The following IQGAP2 variants were observed in gnomAD, a reference collection of about 807,000 sequenced individuals.
IQGAP2 encodes ras GTPase-activating-like protein IQGAP2.
A neutral mutation model predicts 201.3 loss-of-function variants in IQGAP2; 173 were observed. The ratio of observed to expected loss-of-function variants is 0.86; its 90% CI spans 0.76 to 0.98. The LOEUF (loss-of-function observed/expected upper bound fraction) is 0.98. IQGAP2 is among the 50% of genes least tolerant of loss of function. The pLI is 0.00. For missense variants in IQGAP2, 1,687 were observed against 1,864.8 expected, an observed-to-expected ratio of 0.90 and a Z score of 1.76; for synonymous variants, 675 against 673.9, an observed-to-expected ratio of 1.00 and a Z score of -0.03.
intron 1 of IQGAP2, among the ~76,000 whole-genome samples, chr5:76,415,767 C>T (rs1015715108): frequency 4.6e-5 from 7 of 152,098 alleles, no homozygotes; most frequent in Admixed American, 6.5e-5. Context: ...TGTAGTGAAA[C>T]CCTGTCTCTA....
chr5:76,501,643 C>CATTTTTTTT (rs1757280057), intron 2 of IQGAP2, among the ~76,000 whole-genome samples: 1 of 101,100 alleles, frequency 9.9e-6, no homozygotes, highest in Non-Finnish European at 1.8e-5. Flanking sequence ...TTTTCCTTTT[C>CATTTTTTTT]TTTTTTTTTT....
Position 76,585,120 on chromosome 5 carries a change from T to C in IQGAP2, c.459-3786T>C, listed in dbSNP as rs190094377. Among the ~76,000 whole-genome samples the C allele has an allele frequency of 3.3e-5, 5 of 152,324 alleles. No homozygotes were observed. In the East Asian group the frequency reaches 7.7e-4, roughly 24 times the overall value. On this transcript the variant is annotated intron_variant, in intron 5 of 35. Coordinates refer to ENST00000274364, the MANE Select transcript of IQGAP2 (RefSeq NM_006633.5). ...AGCATGAATCTAAAATTCTAAATTA[T>C]CTCAATATTCCACAGGTGGGAAAGT...
intron 21 of IQGAP2, among the ~76,000 whole-genome samples, chr5:76,660,967 G>A (rs1342714804): frequency 2.6e-5 from 4 of 152,138 alleles, no homozygotes; most frequent in South Asian, 2.1e-4. Flanking sequence ...AAAGGTTTGC[G>A]ATATAGTAGA....
intron 21 of IQGAP2, among the ~76,000 whole-genome samples, chr5:76,663,476 T>TTA (rs2150460931): frequency 8.6e-6 from 1 of 116,056 alleles, no homozygotes; most frequent in East Asian, 2.1e-4. Flanking sequence ...CTTTCAAATA[T>TTA]GAGTCGCATG....
intron 30 of IQGAP2, among the ~76,000 whole-genome samples, chr5:76,688,261 T>C (rs1345109156): frequency 6.6e-6 from 1 of 152,244 alleles, no homozygotes; most frequent in Non-Finnish European, 1.5e-5. Flanking sequence ...AAAACTATTC[T>C]GCTTTTTTGT....
At chr5:76,548,678 A>T (rs529495877) in intron 2 of IQGAP2, among the ~76,000 whole-genome samples, 52 of 152,302 alleles carry the variant, frequency 3.4e-4, no homozygotes, top group Admixed American at 5.2e-4. Context: ...AGTGATATCA[A>T]TCTCATCAGA....
chr5:76,433,143 C>T lies in IQGAP2; in HGVS notation c.47-28427C>T, dbSNP rs568428392. Among the ~76,000 whole-genome samples, 7 of 152,218 alleles carry T rather than the reference C, an allele frequency of 4.6e-5. No individual in the cohort carries two copies. In the East Asian group the frequency reaches 1.4e-3, roughly 29 times the overall value. On this transcript the variant is annotated intron_variant, in intron 1 of 35. Coordinates refer to ENST00000274364, the MANE Select transcript of IQGAP2 (RefSeq NM_006633.5). ...AATACTTGCAGATACTTTTCTCTCA[C>T]GTTTACTCTGATGGTTATTTCTTTT...
chr5:76,571,846 A>G (rs1361191752), intron 4 of IQGAP2, among the ~76,000 whole-genome samples: 1 of 152,226 alleles, frequency 6.6e-6, no homozygotes, highest in African/African-American at 2.4e-5. Context: ...AGTGTAAACT[A>G]GACTACAGAC....
chr5:76,463,221 T>C (rs1754586199), intron 2 of IQGAP2, among the ~76,000 whole-genome samples: 1 of 152,114 alleles, frequency 6.6e-6, no homozygotes, highest in Admixed American at 6.6e-5. Flanking sequence ...AAAAACTTAC[T>C]TTTCTATTGA....
At chr5:76,689,816 C>G (rs977321463) in intron 30 of IQGAP2, among the ~76,000 whole-genome samples, 2 of 152,100 alleles carry the variant, frequency 1.3e-5, no homozygotes, top group African/African-American at 4.8e-5. Context: ...TCCACAAACA[C>G]TGATTGCTTT....
intron 3 of IQGAP2, among the ~76,000 whole-genome samples, chr5:76,567,560 G>A (rs1249584926): frequency 2.6e-5 from 4 of 152,172 alleles, no homozygotes; most frequent in Admixed American, 2.6e-4. Context: ...TGGAGGCAGT[G>A]CTTGTTCTAA....
At chr5:76,531,016 A>G (rs1759258269) in intron 2 of IQGAP2, among the ~76,000 whole-genome samples, 1 of 152,220 alleles carries the variant, frequency 6.6e-6, no homozygotes, top group Non-Finnish European at 1.5e-5. Flanking sequence ...TGGGCTCTGT[A>G]TTAGTCCATT....
chr5:76,683,840 C>A lies in IQGAP2; in HGVS notation c.3828C>A (p.Thr1276=). 1.2e-6 allele frequency: 2 copies of A among 1,613,388 alleles called. No individual in the cohort carries two copies. The highest frequency in any genetic ancestry group is 1.7e-6 in the Non-Finnish European group (2 of 1,179,614). Residue 1276 remains threonine (T), a synonymous_variant, in exon 30 of 36, where the codon ACC becomes ACA. Transcript: ENST00000274364. ...ATACACTAAGTCAGCTTTCAAAGAC[C>A]GAGATTTCTCTTGTCTTGACAAGCA... ...KANTLSQLSK[T]EISLVLTSKY...
intron 9 of IQGAP2, among the ~76,000 whole-genome samples, chr5:76,594,483 A>T (rs551770855): frequency 1.3e-5 from 2 of 152,244 alleles, no homozygotes; most frequent in East Asian, 3.9e-4. Context: ...GATGTTTTGC[A>T]CTAATGGTAA....
intron 7 of IQGAP2, 104 bp from the exon 8 acceptor site, chr5:76,590,304 A>G: frequency 1.1e-6 from 1 of 890,514 alleles, no homozygotes. Context: ...ACTGGAAGCC[A>G]AGAAAGAAAG....
chr5:76,426,933 T>TGTGTGTGTGTGTGTGTGTGA (rs772878589), intron 1 of IQGAP2, among the ~76,000 whole-genome samples: 2 of 151,842 alleles, frequency 1.3e-5, no homozygotes, highest in Admixed American at 1.3e-4. Context: ...TGTGTGTGTG[T>TGTGTGTGTGTGTGTGTGTGA]GTGAGTGTGT....
chr5:76,661,883 A>G (rs558609295), intron 21 of IQGAP2, among the ~76,000 whole-genome samples: 71 of 152,354 alleles, frequency 4.7e-4, no homozygotes, highest in Admixed American at 4.0e-3. Context: ...ACCTGCATGC[A>G]GATATCCCTT....
At chr5:76,686,344 TTGTTGTTG>T (rs1561592682) in intron 30 of IQGAP2, among the ~76,000 whole-genome samples, 14 of 98,234 alleles carry the variant, frequency 1.4e-4, no homozygotes, top group Admixed American at 1.1e-3. Context: ...GTTTTTTTTG[TTGTTGTTG>T]TTGTTGTTGT....
chr5:76,507,245 C>A (rs1413010684), intron 2 of IQGAP2, among the ~76,000 whole-genome samples: 2 of 152,072 alleles, frequency 1.3e-5, no homozygotes, highest in Non-Finnish European at 2.9e-5. Flanking sequence ...GACAAAGGAG[C>A]AAAGGTGTGA....
Sources: gnomAD v4.1 joint callset for allele counts (sites outside exome capture counted in the v4.1 genomes callset) on GRCh38, gnomAD v4.1.1 for gene constraint, MANE v1.5 for transcripts, NCBI Gene and HGNC (gene_info 2026-07-23, HGNC 2026-07-21) for gene names.